The following PKNOX2 variants were observed in gnomAD, a reference collection of about 807,000 sequenced individuals.
PKNOX2 encodes the protein PBX/knotted 1 homeobox 2, also known as homeobox protein PKNOX2.
A neutral mutation model predicts 53.1 loss-of-function variants in PKNOX2; 14 were observed. The ratio of observed to expected loss-of-function variants is 0.26; its 90% CI spans 0.17 to 0.41. The LOEUF is 0.41. Among genes scored for constraint, PKNOX2 ranks in the 10% least tolerant of loss-of-function variants. The pLI is 1.00. For missense variants in PKNOX2, 496 were observed against 602.8 expected, an observed-to-expected ratio of 0.82 and a Z score of 1.85; for synonymous variants, 257 against 242.8, an observed-to-expected ratio of 1.06 and a Z score of -0.54.
At chr11:125,366,496 C>G (rs115946421) in intron 4 of PKNOX2, among the ~76,000 whole-genome samples, 1 of 152,136 alleles carries the variant, frequency 6.6e-6, no homozygotes, top group Admixed American at 6.5e-5. Flanking sequence ...ACAACTGTTA[C>G]AATCACTCCA....
Position 125,352,403 on chromosome 11 carries a change from T to TC in PKNOX2, c.87+1013dup, listed in dbSNP as rs1951372150. On this transcript the variant is annotated intron_variant, in intron 4 of 12. Coordinates refer to ENST00000298282, the MANE Select transcript of PKNOX2 (RefSeq NM_001382323.2). This position sits in a 1 kb window ranked among gnomAD's most constrained non-coding sequence, Gnocchi z 4.1. Reference sequence around the variant, plus strand: ...GCTGTGGGCAGGCTACCATCTGCACTCCTCCAGCAGCCACTCTCTGCCCTC... The same window carrying TC: ...GCTGTGGGCAGGCTACCATCTGCACTCCCTCCAGCAGCCACTCTCTGCCCTC... Among the ~76,000 whole-genome samples the TC allele has an allele frequency of 6.6e-6, 1 of 152,120 alleles. No individual in the cohort carries two copies. The highest frequency in any genetic ancestry group is 2.1e-4 in the South Asian group (1 of 4,824).
In PKNOX2 at chr11:125,322,863, T is replaced by C. The variant is rs148802375; in HGVS notation, c.-129-8956T>C. ...TCTGTCTGTAAAATGGGTATATTGA[T>C]ACCAGAACTACCAACCTCACAAAGT... is the stretch of plus-strand genomic sequence containing the variant. On this transcript the variant is annotated intron_variant, in intron 2 of 12. Transcript: ENST00000298282. Among the ~76,000 whole-genome samples, 10 of 152,368 alleles carry C rather than the reference T, an allele frequency of 6.6e-5. No individual in the cohort carries two copies. The East Asian group carries it at 1.9e-3, about 29-fold the overall frequency.
chr11:125,227,599 T>C (rs73617562), intron 1 of PKNOX2, among the ~76,000 whole-genome samples: 4,206 of 152,324 alleles, frequency 0.028, 189 homozygotes, highest in African/African-American at 0.095. Flanking sequence ...GATGTAGACG[T>C]ATGCATGCCA....
At chr11:125,359,105 G>T (rs533942188) in intron 4 of PKNOX2, among the ~76,000 whole-genome samples, 1 of 146,556 alleles carries the variant, frequency 6.8e-6, no homozygotes, top group Non-Finnish European at 1.5e-5. Flanking sequence ...AGACACCATC[G>T]GAAAGGCAGG....
At chr11:125,279,385 G>A (rs1946400128) in intron 2 of PKNOX2, among the ~76,000 whole-genome samples, 2 of 152,192 alleles carry the variant, frequency 1.3e-5, no homozygotes, top group African/African-American at 4.8e-5. Flanking sequence ...GACTGGATCT[G>A]GAGACTCACA....
intron 4 of PKNOX2, among the ~76,000 whole-genome samples, chr11:125,360,655 AG>A (rs1398678159): frequency 3.9e-5 from 6 of 152,176 alleles, no homozygotes; most frequent in Non-Finnish European, 8.8e-5. Flanking sequence ...TTCCTTCAGC[AG>A]GGGTGGCACC....
intron 10 of PKNOX2, among the ~76,000 whole-genome samples, chr11:125,423,498 C>T (rs1409534133): frequency 2.6e-5 from 4 of 152,166 alleles, no homozygotes; most frequent in Admixed American, 2.0e-4. Context: ...TGCAGATGCC[C>T]ACAGGAAATG....
intron 1 of PKNOX2, among the ~76,000 whole-genome samples, chr11:125,207,928 A>G (rs1939336418): frequency 1.3e-5 from 2 of 152,106 alleles, no homozygotes; most frequent in South Asian, 4.1e-4. Flanking sequence ...TTTTTAATTC[A>G]ACAAATATTG....
At position 125,198,148 on chromosome 11, in the gene PKNOX2, C is replaced by T. The variant is rs1254476924; in HGVS notation, c.-201+33372C>T. 2.0e-5 allele frequency among the ~76,000 whole-genome samples: 3 copies of T among 152,320 alleles called. No individual in the cohort carries two copies. In the East Asian group the frequency reaches 5.8e-4, roughly 29 times the overall value. ...TCCTCTTGGGACTTGTTGGGGCTCT[C>T]ACATCTACTGACCAGAAAAGAGAGC... On this transcript the variant is annotated intron_variant, in intron 1 of 12. Coordinates refer to ENST00000298282, the MANE Select transcript of PKNOX2 (RefSeq NM_001382323.2).
intron 1 of PKNOX2, among the ~76,000 whole-genome samples, chr11:125,187,189 A>G (rs1279857374): frequency 6.6e-6 from 1 of 151,996 alleles, no homozygotes; most frequent in Admixed American, 6.6e-5. Context: ...TATTTTGGCT[A>G]TTCAGGGCCC....
In PKNOX2 at chr11:125,251,159, C is replaced by T. The variant is rs764198298; in HGVS notation, c.-130+16044C>T. Among the ~76,000 whole-genome samples the T allele has an allele frequency of 2.3e-4, 35 of 152,338 alleles. 1 individual carries two copies. The highest frequency in any genetic ancestry group is 9.6e-4 in the East Asian group (5 of 5,184). On this transcript the variant is annotated intron_variant, in intron 2 of 12. Transcript: ENST00000298282. ...CTGTACAAGTTGAGCACTTGCCACC[C>T]TGCTGTCTGTTTTTCCTTGCTAAGG...
chr11:125,420,653 C>A (rs1956125323), intron 10 of PKNOX2, among the ~76,000 whole-genome samples: 1 of 152,172 alleles, frequency 6.6e-6, no homozygotes, highest in Non-Finnish European at 1.5e-5. Context: ...TGTTCTCAAC[C>A]TCTCTAAGCC....
At chr11:125,258,318 A>G (rs1188399541) in intron 2 of PKNOX2, among the ~76,000 whole-genome samples, 2 of 152,128 alleles carry the variant, frequency 1.3e-5, no homozygotes, top group Non-Finnish European at 1.5e-5. Context: ...CTCGGTAGTA[A>G]TCACCATTAA....
At chr11:125,167,025 C>A (rs904378835) in intron 1 of PKNOX2, among the ~76,000 whole-genome samples, 1 of 152,066 alleles carries the variant, frequency 6.6e-6, no homozygotes, top group East Asian at 1.9e-4. Context: ...TTCGGAGGCC[C>A]CAGGACCTTG....
rs1565522712 is a variant in PKNOX2, at chr11:125,422,200, C to T, written c.937-6812C>T. The stretch of plus-strand genomic sequence containing the variant: ...AAACCCTCTTCACCCCTTATTCTCA[C>T]TCTTGAAACCTGGGAACACTGTGGC... On this transcript the variant is annotated intron_variant, in intron 10 of 12. Transcript: ENST00000298282. This position sits in a 1 kb window ranked among gnomAD's most constrained non-coding sequence, Gnocchi z 4.1. Among the ~76,000 whole-genome samples the T allele has an allele frequency of 2.6e-5, 4 of 152,282 alleles. No individual in the cohort carries two copies. The South Asian group carries it at 6.2e-4, about 24-fold the overall frequency.
At chr11:125,230,760 T>A (rs749924480) in intron 1 of PKNOX2, among the ~76,000 whole-genome samples, 2 of 152,178 alleles carry the variant, frequency 1.3e-5, no homozygotes, top group Non-Finnish European at 2.9e-5. Context: ...ATTTTTTAAT[T>A]AAGTTATTAA....
chr11:125,251,129 T>G (rs1355495678), intron 2 of PKNOX2, among the ~76,000 whole-genome samples: 4 of 152,262 alleles, frequency 2.6e-5, no homozygotes, highest in Non-Finnish European at 5.9e-5. Context: ...ACTTCTTCTT[T>G]CTTCCTGTAC....
rs1336037128 is a variant in PKNOX2, at chr11:125,352,545, A to G, written c.87+1153A>G. On this transcript the variant is annotated intron_variant, in intron 4 of 12. Transcript: ENST00000298282. The surrounding 1 kb of genome is among the most constrained non-coding windows in gnomAD (Gnocchi z 4.1). Reference sequence around the variant, plus strand: ...TGCAGATGCCAGGCTTGTGCTCACTATGGCCCTGATGCCTCCAGCCTAGTG... The same window carrying G: ...TGCAGATGCCAGGCTTGTGCTCACTGTGGCCCTGATGCCTCCAGCCTAGTG... 6.6e-6 allele frequency among the ~76,000 whole-genome samples: 1 copy of G among 152,130 alleles called. No homozygotes were observed. Among genetic ancestry groups the G allele is most frequent in the East Asian group, 1.9e-4 (1 of 5,194 alleles).
At chr11:125,356,739 G>T (rs1179200719) in intron 4 of PKNOX2, among the ~76,000 whole-genome samples, 1 of 152,230 alleles carries the variant, frequency 6.6e-6, no homozygotes, top group Non-Finnish European at 1.5e-5. Flanking sequence ...TCCAGGTGGG[G>T]CCAGGGGAGG....
Sources: gnomAD v4.1 joint callset for allele counts (sites outside exome capture counted in the v4.1 genomes callset) on GRCh38, gnomAD v4.1.1 for gene constraint, Gnocchi (gnomAD v3.1) non-coding constraint, MANE v1.5 for transcripts, NCBI Gene and HGNC (gene_info 2026-07-23, HGNC 2026-07-21) for gene names.